Variants in LRP3 observed in about 807,000 individuals in gnomAD.
LRP3 encodes the protein LDL receptor related protein 3.
In LRP3, 49 loss-of-function variants were observed where a neutral mutation model predicts 58.5. The ratio of observed to expected loss-of-function variants is 0.84; its 90% CI spans 0.67 to 1.06. The LOEUF (loss-of-function observed/expected upper bound fraction) is 1.06, where lower values mean the gene tolerates loss of function less well. Among genes scored for constraint, LRP3 ranks in the 50% least tolerant of loss-of-function variants. LRP3 has a pLI of 0.00. For missense variants in LRP3, 1,019 were observed against 1,134.2 expected (o/e 0.90, Z 1.46); for synonymous variants, 485 against 492.2 (o/e 0.99, Z 0.20).
rs774477789 is a variant in LRP3 at position 33,196,802 on chromosome 19, CTCCACTCCTTCA to C, written c.121+26_121+37del. On this transcript the variant is annotated intron_variant, in intron 2 of 6. Coordinates refer to ENST00000253193, the MANE Select transcript of LRP3 (RefSeq NM_002333.4). Reference sequence around the variant, plus strand: ...GGTAAGTAAGCACTTTCTCTCCTTCCTCCACTCCTTCAGTCCCTTTTGGGTGAGTGGTCCCTG... The same window carrying C: ...GGTAAGTAAGCACTTTCTCTCCTTCCGTCCCTTTTGGGTGAGTGGTCCCTG... 6 of 1,611,792 alleles carry C rather than the reference CTCCACTCCTTCA, an allele frequency of 3.7e-6. No individual in the cohort carries two copies. The African/African-American group carries it at 8.0e-5, about 21-fold the overall frequency.
chr19:33,196,679 G>C (rs766223524), intron 1 of LRP3, 51 bp from the exon 2 acceptor site: 4 of 1,565,928 alleles, frequency 2.6e-6, no homozygotes, highest in Non-Finnish European at 3.5e-6. Flanking sequence ...GCTGCTGCTG[G>C]TCCCCAGCAG....
chr19:33,203,527 T>C (rs867113245), intron 3 of LRP3, among the ~76,000 whole-genome samples: 4 of 152,212 alleles, frequency 2.6e-5, no homozygotes, highest in South Asian at 2.1e-4. Flanking sequence ...ACCGTAAGCA[T>C]GTATGTGCAC....
chr19:33,196,961 G>T (rs994021464), intron 2 of LRP3, among the ~76,000 whole-genome samples, 184 bp downstream of exon 2: 1 of 152,168 alleles, frequency 6.6e-6, no homozygotes, highest in African/African-American at 2.4e-5. Context: ...TTCCTCATCT[G>T]TAAAGTGGGT....
At chr19:33,199,907 A>G (rs1051125444) in intron 2 of LRP3, among the ~76,000 whole-genome samples, 4 of 152,210 alleles carry the variant, frequency 2.6e-5, no homozygotes, top group African/African-American at 9.6e-5. Flanking sequence ...CCTGGCCCCC[A>G]AGGGCCCCAA....
chr19:33,206,125 G>A lies in LRP3; in HGVS notation c.1355G>A (p.Cys452Tyr), dbSNP rs997457459. 1 of 1,609,280 alleles carries A rather than the reference G, an allele frequency of 6.2e-7. No individual in the cohort carries two copies. The highest frequency in any genetic ancestry group is 8.5e-7 in the Non-Finnish European group (1 of 1,179,250). ...CCCGACGGCGCCGACGAGAAGAACT[G>A]CTTCTCCTGCCAGCCCGGCACCTTC... Reference protein sequence around the residue: ...SCPDGADEKNCFSCQPGTFHC... With the variant: ...SCPDGADEKNYFSCQPGTFHC... The change falls in exon 5 of 7, where the codon TGC becomes TAC. Residue 452 changes from cysteine (C) to tyrosine (Y), a missense_variant. Physicochemically the swap from Cys to Tyr is radical, Grantham distance 194. This residue lies in a region of LRP3 where 592 missense variants were observed against 725.5 expected (regional missense o/e 0.82). Coordinates refer to ENST00000253193, the MANE Select transcript of LRP3 (RefSeq NM_002333.4).
chr19:33,205,476 G>A lies in LRP3; in HGVS notation c.706G>A (p.Gly236Ser), dbSNP rs778079654. The A allele has an allele frequency of 1.0e-5, 16 of 1,584,300 alleles. No individual in the cohort carries two copies. The highest frequency in any genetic ancestry group is 2.3e-5 in the South Asian group (2 of 88,858). The change falls in exon 5 of 7, where the codon GGC becomes AGC. Residue 236 changes from glycine to serine, a missense_variant. Gly to Ser is a moderately conservative substitution (Grantham distance 56, BLOSUM62 0). This residue lies in a region of LRP3 where 592 missense variants were observed against 725.5 expected (regional missense o/e 0.82). Coordinates refer to ENST00000253193, the MANE Select transcript of LRP3 (RefSeq NM_002333.4). ...CCTGCCTGTGGAGCGGCGCTGTGAC[G>A]GCTTGCAGGACTGCGGCGACGGCTC... ...RCLPVERRCDGLQDCGDGSDE... is the reference protein window; with the variant it reads ...RCLPVERRCDSLQDCGDGSDE...
intron 6 of LRP3, 101 bp from the exon 7 acceptor site, chr19:33,206,887 C>T (rs1340228639): frequency 1.0e-5 from 12 of 1,204,126 alleles, no homozygotes; most frequent in South Asian, 3.2e-5. Flanking sequence ...GGTGGTCTCT[C>T]GGGTCTCAGG....
intron 2 of LRP3, among the ~76,000 whole-genome samples, 172 bp from the exon 3 acceptor site, chr19:33,202,676 A>G (rs1013135355): frequency 1.3e-5 from 2 of 152,136 alleles, no homozygotes; most frequent in Non-Finnish European, 2.9e-5. Context: ...GGCCTCCCGT[A>G]CACACCACCT....
intron 6 of LRP3, 82 bp from the exon 7 acceptor site, chr19:33,206,906 G>C (rs899507703): frequency 7.3e-6 from 9 of 1,228,798 alleles, no homozygotes; most frequent in Non-Finnish European, 9.9e-6. Flanking sequence ...GGTCCCTTGG[G>C]GGTGTGCTGT....
chr19:33,206,954 C>A (rs370125519), intron 6 of LRP3, 34 bp from the exon 7 acceptor site: 8 of 1,406,466 alleles, frequency 5.7e-6, no homozygotes, highest in Non-Finnish European at 6.6e-6. Context: ...CCCTCAGCCG[C>A]ATCCCCCCGC....
chr19:33,204,531 G>A, intron 3 of LRP3, 107 bp from the exon 4 acceptor site: 1 of 792,530 alleles, frequency 1.3e-6, no homozygotes, highest in Middle Eastern at 3.8e-4. Context: ...GCCGGGACAG[G>A]GCTGGCTGTC....
intron 2 of LRP3, among the ~76,000 whole-genome samples, chr19:33,202,312 C>T (rs888053575): frequency 6.6e-6 from 1 of 152,254 alleles, no homozygotes; most frequent in African/African-American, 2.4e-5. Flanking sequence ...CTCCCACCCC[C>T]AGCCTATGAG....
At chr19:33,198,901 A>G (rs1974312695) in intron 2 of LRP3, among the ~76,000 whole-genome samples, 1 of 152,202 alleles carries the variant, frequency 6.6e-6, no homozygotes, top group Non-Finnish European at 1.5e-5. Flanking sequence ...AACTTTGGAA[A>G]TTGGATCTGC....
rs1974394142 is a variant in LRP3 at position 33,205,572 on chromosome 19, C to T, written c.802C>T (p.Pro268Ser). Residue 268 changes from proline to serine, a missense_variant, in exon 5 of 7, where the codon CCA (proline) becomes TCA (serine). This residue lies in a region of LRP3 where 592 missense variants were observed against 725.5 expected (regional missense o/e 0.82). Transcript: ENST00000253193. ...LGSFYGSFAS[P>S]DLFGAARGPS... ...CAGCTTCTACGGCTCCTTTGCCTCC[C>T]CAGACCTGTTCGGCGCCGCTCGCGG... 1 of 1,608,290 alleles carries T rather than the reference C, an allele frequency of 6.2e-7. No individual in the cohort carries two copies. The highest frequency in any genetic ancestry group is 8.5e-7 in the Non-Finnish European group (1 of 1,178,786).
chr19:33,204,374 G>C (rs1974375995), intron 3 of LRP3: 1 of 532,444 alleles, frequency 1.9e-6, no homozygotes. Flanking sequence ...GGGAAGGGGA[G>C]CCGCAGCAGA....
Position 33,204,746 on chromosome 19 carries a change from C to T in LRP3, c.369C>T (p.Ala123=). The T allele has an allele frequency of 6.2e-7, 1 of 1,612,672 alleles. No homozygotes were observed. Among genetic ancestry groups the T allele is most frequent in the Non-Finnish European group, 8.5e-7 (1 of 1,179,976 alleles). The change falls in exon 4 of 7, where the codon GCC becomes GCT. Residue 123 remains alanine (A), a synonymous_variant. Transcript: ENST00000253193. The part of the protein sequence containing the change: ...RQEAFRLCGS[A]IPPAFISARD... The stretch of plus-strand genomic sequence containing the variant: ...AGGCCTTCCGCCTCTGTGGCTCCGC[C>T]ATCCCACCTGCCTTCATCTCTGCCC...
At chr19:33,206,401 C>T (rs746459475) in intron 5 of LRP3, 39 bp downstream of exon 5, 3 of 1,600,698 alleles carry the variant, frequency 1.9e-6, no homozygotes, top group Non-Finnish European at 2.5e-6. Flanking sequence ...CGGGCTTCTT[C>T]ATCACCCAGG....
intron 2 of LRP3, among the ~76,000 whole-genome samples, chr19:33,201,496 A>G (rs1442348543): frequency 6.6e-6 from 1 of 152,136 alleles, no homozygotes; most frequent in Non-Finnish European, 1.5e-5. Context: ...GTTTTGTCCT[A>G]AGAGCATGGG....
In LRP3 at chr19:33,208,753, T is replaced by C; in HGVS notation, c.*1178T>C. The C allele has an allele frequency of 1.9e-6, 2 of 1,076,338 alleles. No homozygotes were observed. The highest frequency in any genetic ancestry group is 2.6e-6 in the Non-Finnish European group (2 of 765,760). 66.7% of individuals were successfully genotyped at this position (1,076,338 alleles called of 1,614,324 possible). A position where few individuals can be genotyped will look rare whatever the true frequency, so the allele number is the denominator to read the frequency against. ...GGAAACCCAGTCCACATTTTAGGGC[T>C]TCCTTAAACAGGCTTCTGAGAGTCG... On this transcript the variant is annotated 3_prime_UTR_variant, in exon 7 of 7. Coordinates refer to ENST00000253193, the MANE Select transcript of LRP3 (RefSeq NM_002333.4). This position sits in a 1 kb window ranked among gnomAD's most constrained non-coding sequence, Gnocchi z 4.7.
Sources: gnomAD v4.1 joint callset for allele counts (sites outside exome capture counted in the v4.1 genomes callset) on GRCh38, gnomAD v4.1.1 for gene constraint, gnomAD v4.1.1 regional missense constraint, Gnocchi (gnomAD v3.1) non-coding constraint, MANE v1.5 for transcripts, NCBI Gene and HGNC (gene_info 2026-07-23, HGNC 2026-07-21) for gene names.